CEP162: variants seen among roughly 807,000 people sequenced by gnomAD.
The protein encoded by CEP162 is centrosomal protein of 162 kDa.
CEP162 carries 141 observed loss-of-function variants against 169.2 expected under a neutral mutation model. The ratio of observed to expected loss-of-function variants is 0.83; its 90% CI spans 0.73 to 0.96. CEP162 has a LOEUF of 0.96. Ranked by LOEUF, CEP162 falls within the 40% of genes least tolerant of loss-of-function variation. CEP162 has a pLI of 0.00. For missense variants in CEP162, 1,600 were observed against 1,587.2 expected (o/e 1.01, Z -0.14); for synonymous variants, 540 against 526.4 (o/e 1.03, Z -0.35).
At chr6:84,211,822 CAAT>C (rs1178813725) in intron 6 of CEP162, among the ~76,000 whole-genome samples, 1 of 148,420 alleles carries the variant, frequency 6.7e-6, no homozygotes, top group Non-Finnish European at 1.5e-5. Context: ...ATCCATAGAT[CAAT>C]GATGCTCAAC....
chr6:84,175,350 AAAT>A lies in CEP162; in HGVS notation c.1664-6_1664-4del. On this transcript the variant is annotated splice_polypyrimidine_tract_variant and splice_region_variant and intron_variant, in intron 13 of 26. Transcript: ENST00000403245. ...GAGTTTTGTTCCAGATAAGATTTCT[AAAT>A]ATTATAAACAATGTATAAATGCACC... 6.5e-7 allele frequency: 1 copy of A among 1,533,322 alleles called. No homozygotes were observed. Among genetic ancestry groups the A allele is most frequent in the Non-Finnish European group, 8.8e-7 (1 of 1,136,250 alleles). The allele number at this position is 1,533,322 out of a possible 1,614,324, so 95.0% of individuals were successfully genotyped here. A position where few individuals can be genotyped will look rare whatever the true frequency, so the allele number is the denominator to read the frequency against.
At chr6:84,152,266 A>G (rs568171408) in intron 23 of CEP162, among the ~76,000 whole-genome samples, 1 of 152,350 alleles carries the variant, frequency 6.6e-6, no homozygotes, top group African/African-American at 2.4e-5. Flanking sequence ...TCAGCTTATT[A>G]ATACCATTTG....
At chr6:84,128,020 ACTGT>A (rs2099509648) in intron 25 of CEP162, among the ~76,000 whole-genome samples, 1 of 152,184 alleles carries the variant, frequency 6.6e-6, no homozygotes, top group Non-Finnish European at 1.5e-5. Flanking sequence ...ATATATGTTT[ACTGT>A]CTGACTCCTC....
chr6:84,223,472 C>A (rs2099554531), intron 2 of CEP162, among the ~76,000 whole-genome samples: 2 of 151,336 alleles, frequency 1.3e-5, no homozygotes, highest in African/African-American at 2.4e-5. Flanking sequence ...GCACTCCAGC[C>A]TGGGTGACAG....
intron 8 of CEP162, among the ~76,000 whole-genome samples, chr6:84,201,263 G>A (rs928983518): frequency 1.3e-5 from 2 of 150,466 alleles, no homozygotes; most frequent in African/African-American, 2.5e-5. Flanking sequence ...GGGCAACAGA[G>A]CGAGAGTCTG....
chr6:84,175,808 ATAT>A (rs1230574912), intron 13 of CEP162, among the ~76,000 whole-genome samples: 3 of 152,284 alleles, frequency 2.0e-5, no homozygotes, highest in South Asian at 2.1e-4. Context: ...GTATATCATG[ATAT>A]TATAGTATCA....
chr6:84,133,565 C>T (rs903883478), intron 25 of CEP162, among the ~76,000 whole-genome samples: 15 of 152,198 alleles, frequency 9.9e-5, no homozygotes, highest in African/African-American at 1.9e-4. Context: ...TCAGCAACGG[C>T]GGATGCCCCT....
intron 7 of CEP162, 112 bp from the exon 8 acceptor site, chr6:84,201,879 A>T: frequency 1.8e-6 from 1 of 552,380 alleles, no homozygotes; most frequent in Non-Finnish European, 3.2e-6. Context: ...TCCACATTGA[A>T]ACGATCAGGA....
At chr6:84,171,150 C>A in intron 17 of CEP162, among the ~76,000 whole-genome samples, 1 of 152,172 alleles carries the variant, frequency 6.6e-6, no homozygotes, top group East Asian at 1.9e-4. Flanking sequence ...TGGGAGTTAT[C>A]CTTCAGTATA....
chr6:84,147,335 G>C (rs926100812), intron 24 of CEP162, among the ~76,000 whole-genome samples: 36 of 152,042 alleles, frequency 2.4e-4, no homozygotes, highest in African/African-American at 8.7e-4. Flanking sequence ...ATGGGAGTGG[G>C]GGGTTGGGAA....
intron 25 of CEP162, among the ~76,000 whole-genome samples, chr6:84,127,836 T>C (rs896828489): frequency 1.3e-5 from 2 of 152,136 alleles, no homozygotes; most frequent in African/African-American, 2.4e-5. Context: ...GGCCAATGAC[T>C]AGTGAGATAA....
intron 7 of CEP162, among the ~76,000 whole-genome samples, chr6:84,203,182 T>A (rs530601788): frequency 6.6e-6 from 1 of 152,290 alleles, no homozygotes; most frequent in Admixed American, 6.5e-5. Context: ...TGGTAAGAAC[T>A]GGGAAATGTG....
chr6:84,161,879 T>C lies in CEP162; in HGVS notation c.2543A>G (p.Glu848Gly), dbSNP rs2099525927. ...GEKLYEIKILEETHKQEISRL... is the reference protein window; with the variant it reads ...GEKLYEIKILGETHKQEISRL... The stretch of plus-strand genomic sequence containing the variant: ...ACTGATTTCTTGTTTATGTGTTTCT[T>C]CTAAAATTTTTATTTCATATAATTT... The change falls in exon 20 of 27, where the codon GAA becomes GGA. Residue 848 changes from glutamate to glycine, a missense_variant. By Grantham distance (98) the Glu-to-Gly change is moderately conservative. Coordinates refer to ENST00000403245, the MANE Select transcript of CEP162 (RefSeq NM_014895.4). 2 of 1,558,646 alleles carry C rather than the reference T, an allele frequency of 1.3e-6. No individual in the cohort carries two copies. The highest frequency in any genetic ancestry group is 1.7e-6 in the Non-Finnish European group (2 of 1,145,084).
chr6:84,147,370 T>A (rs891544509), intron 24 of CEP162, among the ~76,000 whole-genome samples: 1 of 152,040 alleles, frequency 6.6e-6, no homozygotes, highest in African/African-American at 2.4e-5. Flanking sequence ...TGGTTATGGG[T>A]ACAAACATAC....
At chr6:84,215,635 C>G (rs1477724381) in intron 4 of CEP162, 141 bp downstream of exon 4, 5 of 1,250,502 alleles carry the variant, frequency 4.0e-6, no homozygotes, top group Middle Eastern at 2.8e-4. Flanking sequence ...TAAAGCTTCT[C>G]TAGAATAATT....
Position 84,152,134 on chromosome 6 carries a change from T to G in CEP162, c.3629+411A>C, listed in dbSNP as rs559712577. ...ACAAGGTCAATTTGAAGAGTTATTT[T>G]TGAAAAGAGGACCTTTTCCTTTTAG... is the stretch of plus-strand genomic sequence containing the variant. On this transcript the variant is annotated intron_variant, in intron 23 of 26. Coordinates refer to ENST00000403245, the MANE Select transcript of CEP162 (RefSeq NM_014895.4). Among the ~76,000 whole-genome samples the G allele has an allele frequency of 5.9e-5, 9 of 152,350 alleles. No homozygotes were observed. In the South Asian group the frequency reaches 1.9e-3, roughly 32 times the overall value.
intron 21 of CEP162, among the ~76,000 whole-genome samples, chr6:84,156,169 T>C (rs1002529693): frequency 7.2e-5 from 11 of 152,078 alleles, no homozygotes; most frequent in Non-Finnish European, 1.5e-4. Flanking sequence ...GAAAAATGGA[T>C]TGTCATGTGC....
intron 17 of CEP162, among the ~76,000 whole-genome samples, chr6:84,170,373 CAAAAAAAAAAAAAA>C (rs57988482): frequency 1.1e-4 from 3 of 28,332 alleles, no homozygotes; most frequent in Non-Finnish European, 3.8e-4. Flanking sequence ...GACTCCGTCT[CAAAAAAAAAAAAAA>C]AAAAAAAAAA....
chr6:84,126,012 A>G lies in CEP162; in HGVS notation c.4005+366T>C, dbSNP rs77383167. On this transcript the variant is annotated intron_variant, in intron 26 of 26. Coordinates refer to ENST00000403245, the MANE Select transcript of CEP162 (RefSeq NM_014895.4). ...TAGTAATATTACTAGTGCTAGCTAT[A>G]TATTTTAAATAATCATATTAAAACA... Among the ~76,000 whole-genome samples, 576 of 152,286 alleles carry G rather than the reference A, an allele frequency of 3.8e-3. 1 individual carries two copies. Among genetic ancestry groups the G allele is most frequent in the African/African-American group, 0.013 (544 of 41,582 alleles).
Sources: allele counts gnomAD v4.1 joint callset (sites outside exome capture counted in the v4.1 genomes callset), GRCh38; gene constraint gnomAD v4.1.1; transcripts MANE v1.5; gene names NCBI Gene and HGNC (gene_info 2026-07-23, HGNC 2026-07-21).